Variants in EBF1 observed in about 807,000 individuals in gnomAD.
The protein encoded by EBF1 is transcription factor COE1.
Under a neutral mutation model 68.4 loss-of-function variants are expected in EBF1, and 10 were observed. The observed-to-expected ratio is 0.15, with a 90% CI of 0.09 to 0.25. The LOEUF is 0.25. EBF1 is among the 10% of genes least tolerant of loss of function. The pLI is 1.00. For missense variants in EBF1, 509 were observed against 794.4 expected (o/e 0.64, Z 4.32); for synonymous variants, 298 against 299.8 (o/e 0.99, Z 0.06).
intron 6 of EBF1, among the ~76,000 whole-genome samples, chr5:158,891,544 A>G (rs1424481317): frequency 6.6e-6 from 1 of 152,154 alleles, no homozygotes; most frequent in Non-Finnish European, 1.5e-5. Flanking sequence ...TCACTTTCCC[A>G]GGTCTCAACT....
At chr5:159,031,711 A>G in intron 6 of EBF1, among the ~76,000 whole-genome samples, 1 of 152,208 alleles carries the variant, frequency 6.6e-6, no homozygotes, top group East Asian at 1.9e-4. Context: ...TCCTATACAC[A>G]GTTCAGCAAT....
intron 6 of EBF1, among the ~76,000 whole-genome samples, chr5:158,963,264 A>T (rs2127539856): frequency 6.6e-6 from 1 of 152,348 alleles, no homozygotes; most frequent in African/African-American, 2.4e-5. Context: ...CTAGAGTCTT[A>T]AAAATGTTCA....
chr5:158,823,096 A>G (rs1324076576), intron 8 of EBF1, 80 bp downstream of exon 8: 37 of 1,583,310 alleles, frequency 2.3e-5, no homozygotes, highest in Non-Finnish European at 2.9e-5. Context: ...AGAATAGAAC[A>G]TGTGGTGGAG....
intron 10 of EBF1, among the ~76,000 whole-genome samples, chr5:158,770,311 T>A (rs1052094540): frequency 6.6e-6 from 1 of 152,066 alleles, no homozygotes; most frequent in Non-Finnish European, 1.5e-5. Context: ...CTCCACTGAT[T>A]ACCACCCAAA....
At chr5:158,784,780 C>G (rs1777083971) in intron 9 of EBF1, among the ~76,000 whole-genome samples, 2 of 152,100 alleles carry the variant, frequency 1.3e-5, no homozygotes, top group African/African-American at 2.4e-5. Flanking sequence ...AAATAATGAG[C>G]ATTTGTGGCT....
At chr5:158,773,701 A>T (rs1212594817) in intron 10 of EBF1, among the ~76,000 whole-genome samples, 1 of 152,176 alleles carries the variant, frequency 6.6e-6, no homozygotes, top group Non-Finnish European at 1.5e-5. Context: ...TCTTATCAGG[A>T]AAACCAACTA....
At chr5:158,727,592 C>A (rs189813975) in intron 11 of EBF1, among the ~76,000 whole-genome samples, 132 of 152,322 alleles carry the variant, frequency 8.7e-4, no homozygotes, top group African/African-American at 3.1e-3. Flanking sequence ...CTTAGCCTGC[C>A]CTTTTCTCCC....
Position 159,005,398 on chromosome 5 carries a change from G to A in EBF1, c.554+67998C>T, listed in dbSNP as rs73816872. ...AGTTGTGGGCCAATGAGAATATAAT[G>A]AACCAACACTGATAATGTACATAGA... On this transcript the variant is annotated intron_variant, in intron 6 of 15. Coordinates refer to ENST00000313708, the MANE Select transcript of EBF1 (RefSeq NM_024007.5). 3.9e-3 allele frequency among the ~76,000 whole-genome samples: 593 copies of A among 152,240 alleles called. 2 individuals carry two copies. Among genetic ancestry groups the A allele is most frequent in the African/African-American group, 0.013 (542 of 41,518 alleles).
intron 6 of EBF1, among the ~76,000 whole-genome samples, chr5:158,878,284 AGAGAG>A (rs1798174188): frequency 6.6e-6 from 1 of 152,108 alleles, no homozygotes; most frequent in African/African-American, 2.4e-5. Flanking sequence ...ATGGGAAGAG[AGAGAG>A]GAAAGAGAAA....
intron 6 of EBF1, among the ~76,000 whole-genome samples, chr5:158,961,241 G>A (rs1316892166): frequency 1.3e-5 from 2 of 152,026 alleles, no homozygotes; most frequent in Non-Finnish European, 2.9e-5. Flanking sequence ...CCTTTTTGGA[G>A]GGCAATTTAG....
intron 6 of EBF1, among the ~76,000 whole-genome samples, chr5:158,912,747 C>T (rs944485083): frequency 6.6e-6 from 1 of 152,176 alleles, no homozygotes; most frequent in African/African-American, 2.4e-5. Flanking sequence ...CTCCACTATG[C>T]CTAATTCCAC....
chr5:158,789,834 A>G (rs991886114), intron 9 of EBF1, among the ~76,000 whole-genome samples: 37 of 152,204 alleles, frequency 2.4e-4, no homozygotes, highest in South Asian at 6.2e-4. Context: ...CTTGAATATC[A>G]TAGGGAAGCC....
intron 6 of EBF1, among the ~76,000 whole-genome samples, chr5:159,002,124 GTGAGAA>G (rs1325762200): frequency 1.0e-4 from 15 of 150,180 alleles, no homozygotes; most frequent in Non-Finnish European, 1.5e-5. Flanking sequence ...GTAGAATAAG[GTGAGAA>G]ATAAAAGAAA....
chr5:159,089,700 A>G (rs1781286643), intron 4 of EBF1, among the ~76,000 whole-genome samples: 1 of 152,168 alleles, frequency 6.6e-6, no homozygotes, highest in Non-Finnish European at 1.5e-5. Context: ...TAGAAACAAA[A>G]TATTTTCATT....
At chr5:159,082,380 A>G (rs1779898688) in intron 5 of EBF1, among the ~76,000 whole-genome samples, 1 of 152,232 alleles carries the variant, frequency 6.6e-6, no homozygotes, top group Non-Finnish European at 1.5e-5. Flanking sequence ...CATGTCTGCA[A>G]TGAAGAAATT....
At chr5:158,706,261 G>A (rs770152649) in intron 15 of EBF1, among the ~76,000 whole-genome samples, 12 of 151,860 alleles carry the variant, frequency 7.9e-5, no homozygotes, top group Middle Eastern at 3.4e-3. Flanking sequence ...GGGGAAGAGC[G>A]GCGTGCTCTG....
intron 10 of EBF1, among the ~76,000 whole-genome samples, chr5:158,756,076 C>T (rs888983222): frequency 2.6e-5 from 4 of 151,980 alleles, no homozygotes; most frequent in African/African-American, 9.7e-5. Context: ...TGTAGTTGGC[C>T]CTGGCTGCTA....
intron 10 of EBF1, among the ~76,000 whole-genome samples, chr5:158,731,878 A>T (rs1324283240): frequency 6.6e-6 from 1 of 152,240 alleles, no homozygotes; most frequent in African/African-American, 2.4e-5. Flanking sequence ...GCAAACCTGG[A>T]ATAACATTTG....
intron 6 of EBF1, among the ~76,000 whole-genome samples, chr5:158,936,784 C>T (rs775187867): frequency 6.6e-6 from 1 of 152,160 alleles, no homozygotes; most frequent in African/African-American, 2.4e-5. Context: ...CTTCCACTTC[C>T]CCCAGTATGA....
Sources: gnomAD v4.1 joint callset for allele counts (sites outside exome capture counted in the v4.1 genomes callset) on GRCh38, gnomAD v4.1.1 for gene constraint, MANE v1.5 for transcripts, NCBI Gene and HGNC (gene_info 2026-07-23, HGNC 2026-07-21) for gene names.